The following CORIN variants were observed in gnomAD, a reference collection of about 807,000 sequenced individuals.
The protein encoded by CORIN is corin, serine peptidase.
Under a neutral mutation model 125.3 loss-of-function variants are expected in CORIN, and 117 were observed. The ratio of observed to expected loss-of-function variants is 0.93; its 90% CI spans 0.80 to 1.09. The LOEUF is 1.09. CORIN is among the 50% of genes least tolerant of loss of function. CORIN has a pLI of 0.00. For missense variants in CORIN, 1,253 were observed against 1,306.7 expected, an observed-to-expected ratio of 0.96 and a Z score of 0.63; for synonymous variants, 450 against 466.4, an observed-to-expected ratio of 0.96 and a Z score of 0.45.
chr4:47,615,688 G>A (rs1182583853), intron 19 of CORIN, among the ~76,000 whole-genome samples: 2 of 152,150 alleles, frequency 1.3e-5, no homozygotes, highest in Non-Finnish European at 2.9e-5. Flanking sequence ...CCGGGATCTA[G>A]GCAACAGGCA....
chr4:47,597,795 G>C (rs1322922741), intron 21 of CORIN, among the ~76,000 whole-genome samples: 3 of 152,156 alleles, frequency 2.0e-5, no homozygotes, highest in Non-Finnish European at 2.9e-5. Context: ...TAATTATTTA[G>C]CATCTACTCT....
At chr4:47,625,066 C>T (rs772145731) in intron 17 of CORIN, among the ~76,000 whole-genome samples, 1 of 152,052 alleles carries the variant, frequency 6.6e-6, no homozygotes. Flanking sequence ...CTTCCTTACT[C>T]TCTATTACAT....
At chr4:47,782,157 G>A (rs1018214141) in intron 3 of CORIN, among the ~76,000 whole-genome samples, 2 of 151,826 alleles carry the variant, frequency 1.3e-5, no homozygotes, top group African/African-American at 2.4e-5. Flanking sequence ...GGCCAAGGTG[G>A]GCAGATCACT....
intron 4 of CORIN, among the ~76,000 whole-genome samples, chr4:47,762,787 T>G (rs1415330958): frequency 1.3e-5 from 2 of 152,212 alleles, no homozygotes; most frequent in South Asian, 2.1e-4. Context: ...CACTGGCAGA[T>G]GGGAGGGTGG....
chr4:47,788,949 A>C (rs1307472886), intron 2 of CORIN, among the ~76,000 whole-genome samples: 1 of 152,180 alleles, frequency 6.6e-6, no homozygotes, highest in African/African-American at 2.4e-5. Context: ...CTTATTAATA[A>C]TCTTTCCTTT....
rs541143832 is a variant in CORIN, at chr4:47,679,280, T to C, written c.1132+861A>G. Among the ~76,000 whole-genome samples the C allele has an allele frequency of 4.6e-5, 7 of 152,346 alleles. No homozygotes were observed. In the South Asian group the frequency reaches 1.0e-3, roughly 23 times the overall value. On this transcript the variant is annotated intron_variant, in intron 8 of 21. Coordinates refer to ENST00000273857, the MANE Select transcript of CORIN (RefSeq NM_006587.4). ...AAAGTGTTAATAGCCATACTTGTTA[T>C]TAGTTTGAAGTATAACAACTGTCTG...
chr4:47,622,600 G>A (rs1257828139), intron 19 of CORIN, among the ~76,000 whole-genome samples: 1 of 152,070 alleles, frequency 6.6e-6, no homozygotes, highest in Non-Finnish European at 1.5e-5. Context: ...CTGATGGCCA[G>A]TGATGATGAG....
chr4:47,788,567 A>G (rs1373986372), intron 2 of CORIN, among the ~76,000 whole-genome samples: 1 of 152,256 alleles, frequency 6.6e-6, no homozygotes, highest in Non-Finnish European at 1.5e-5. Context: ...TATCCTAATC[A>G]AAATAAATGT....
intron 13 of CORIN, among the ~76,000 whole-genome samples, chr4:47,646,300 C>T (rs984988603): frequency 1.3e-5 from 2 of 152,126 alleles, no homozygotes; most frequent in African/African-American, 2.4e-5. Flanking sequence ...AAAGAGGCTC[C>T]TTCTATGCCA....
chr4:47,781,207 A>C (rs1339432396), intron 3 of CORIN, among the ~76,000 whole-genome samples: 2 of 152,210 alleles, frequency 1.3e-5, no homozygotes, highest in African/African-American at 4.8e-5. Context: ...ATTCAAAGAC[A>C]CAAATAGGTT....
At chr4:47,742,365 G>T (rs1266505486) in intron 5 of CORIN, among the ~76,000 whole-genome samples, 2 of 151,950 alleles carry the variant, frequency 1.3e-5, no homozygotes, top group Admixed American at 6.5e-5. Context: ...TAGATGACAT[G>T]ATTGTGTACT....
intron 4 of CORIN, among the ~76,000 whole-genome samples, chr4:47,754,864 T>A (rs1729063566): frequency 6.6e-6 from 1 of 152,224 alleles, no homozygotes; most frequent in East Asian, 1.9e-4. Flanking sequence ...CTACTGGATA[T>A]GATCCATCAT....
chr4:47,623,437 T>A, intron 19 of CORIN, 134 bp downstream of exon 19: 1 of 894,016 alleles, frequency 1.1e-6, no homozygotes, highest in South Asian at 1.8e-5. Flanking sequence ...TTTAGGAAGA[T>A]AAAGGCCTGG....
chr4:47,599,702 T>C (rs1721376073), intron 21 of CORIN, among the ~76,000 whole-genome samples: 1 of 152,174 alleles, frequency 6.6e-6, no homozygotes, highest in Admixed American at 6.5e-5. Flanking sequence ...ATGCTGGCAA[T>C]CAAGTGAGGG....
Position 47,816,484 on chromosome 4 carries a change from A to C in CORIN, c.64-9437T>G, listed in dbSNP as rs532666256. On this transcript the variant is annotated intron_variant, in intron 1 of 21. Transcript: ENST00000273857. Reference sequence around the variant, plus strand: ...ATAGGGCTATAAAGATGAAGAAAACATAGTCCCTGTCCTCAAGGAGTTAAC... The same window carrying C: ...ATAGGGCTATAAAGATGAAGAAAACCTAGTCCCTGTCCTCAAGGAGTTAAC... Among the ~76,000 whole-genome samples, 5 of 152,322 alleles carry C rather than the reference A, an allele frequency of 3.3e-5. No homozygotes were observed. In the South Asian group the frequency reaches 8.3e-4, roughly 25 times the overall value.
At position 47,763,469 on chromosome 4, in the gene CORIN, G is replaced by A. The variant is rs1560537946; in HGVS notation, c.527C>T (p.Thr176Ile). Residue 176 changes from threonine to isoleucine, a missense_variant, in exon 4 of 22, where the codon ACA (threonine) becomes ATA (isoleucine). Transcript: ENST00000273857. ...MEMEKFLKFF[T>I]YLHRLSCYQH... is the part of the protein sequence containing the mutation. Reference sequence around the variant, plus strand: ...ATAGCAACTGAGGCGATGGAGATATGTGAAAAACTTGAGGAACTTTTCCAT... The same window carrying A: ...ATAGCAACTGAGGCGATGGAGATATATGAAAAACTTGAGGAACTTTTCCAT... 1 of 1,614,142 alleles carries A rather than the reference G, an allele frequency of 6.2e-7. No homozygotes were observed. The highest frequency in any genetic ancestry group is 1.1e-5 in the South Asian group (1 of 91,082).
At chr4:47,692,858 G>A (rs1725828446) in intron 6 of CORIN, 112 bp downstream of exon 6, 9 of 783,716 alleles carry the variant, frequency 1.1e-5, no homozygotes, top group East Asian at 2.5e-5. Context: ...AGATAAACAC[G>A]TTTGCTCGCT....
In CORIN at chr4:47,595,780, A is replaced by G; in HGVS notation, c.3070T>C (p.Ser1024Pro). 6.2e-7 allele frequency: 1 copy of G among 1,613,480 alleles called. No individual in the cohort carries two copies. The highest frequency in any genetic ancestry group is 8.5e-7 in the Non-Finnish European group (1 of 1,179,722). ...CTTTTAATCCATTCGACGAAATATG[A>G]CACATTACTATAAACGCCAGGCCCC... ...VLGPGVYSNV[S>P]YFVEWIKRQI... Residue 1024 changes from serine (S) to proline (P), a missense_variant, in exon 22 of 22, where the codon TCA (serine) becomes CCA (proline). By Grantham distance (74) the Ser-to-Pro change is moderately conservative. Coordinates refer to ENST00000273857, the MANE Select transcript of CORIN (RefSeq NM_006587.4).
At position 47,786,909 on chromosome 4, in the gene CORIN, G is replaced by T. The variant is rs1041621809; in HGVS notation, c.225C>A (p.Val75=). 5 of 1,611,850 alleles carry T rather than the reference G, an allele frequency of 3.1e-6. No homozygotes were observed. The African/African-American group carries it at 5.3e-5, about 17-fold the overall frequency. Residue 75 remains valine, a synonymous_variant, in exon 3 of 22, where the codon GTC becomes GTA. Transcript: ENST00000273857. ...GTTCACTCCCATTTGATTTAAAATA[G>T]ACCTTTTGTAATGTTCCTGAAAGAC... ...LLSYVGTLQK[V]YFKSNGSEPL... is the part of the protein sequence containing the mutation.
Sources: allele counts gnomAD v4.1 joint callset (sites outside exome capture counted in the v4.1 genomes callset), GRCh38; gene constraint gnomAD v4.1.1; transcripts MANE v1.5; gene names NCBI Gene and HGNC (gene_info 2026-07-23, HGNC 2026-07-21).